SGCZ: variants seen among roughly 807,000 people sequenced by gnomAD.
SGCZ encodes the protein zeta-sarcoglycan.
Under a neutral mutation model 41.3 loss-of-function variants are expected in SGCZ, and 40 were observed. The ratio of observed to expected loss-of-function variants is 0.97; its 90% CI spans 0.75 to 1.26. The LOEUF (loss-of-function observed/expected upper bound fraction) is 1.26, where lower values mean the gene tolerates loss of function less well. SGCZ is among the 50% of genes most tolerant of loss of function. The pLI is 0.00. For synonymous variants in SGCZ, 206 were observed against 137.5 expected (o/e 1.50, Z -3.49); for missense variants, 552 against 369.8 (o/e 1.49, Z -4.04).
chr8:14,657,384 A>G (rs1221195847), intron 1 of SGCZ, among the ~76,000 whole-genome samples: 1 of 152,108 alleles, frequency 6.6e-6, no homozygotes, highest in Non-Finnish European at 1.5e-5. Context: ...ATATGCATCA[A>G]TACGCATATT....
chr8:14,432,750 C>T (rs890956578), intron 2 of SGCZ, among the ~76,000 whole-genome samples: 3 of 151,834 alleles, frequency 2.0e-5, no homozygotes, highest in African/African-American at 7.3e-5. Flanking sequence ...TCTATTTCTG[C>T]TAAAAATACA....
intron 4 of SGCZ, among the ~76,000 whole-genome samples, chr8:14,187,441 A>T (rs1804942389): frequency 6.6e-6 from 1 of 152,212 alleles, no homozygotes; most frequent in African/African-American, 2.4e-5. Flanking sequence ...ATGTTCAAAT[A>T]ATTGAAGACA....
intron 1 of SGCZ, among the ~76,000 whole-genome samples, chr8:14,665,580 C>T (rs948287533): frequency 2.6e-5 from 4 of 152,100 alleles, no homozygotes; most frequent in African/African-American, 9.7e-5. Context: ...ACTATATCTG[C>T]AACAGAACAA....
At chr8:14,810,252 C>G (rs1196163505) in intron 1 of SGCZ, among the ~76,000 whole-genome samples, 1 of 151,890 alleles carries the variant, frequency 6.6e-6, no homozygotes, top group South Asian at 2.1e-4. Context: ...TACTGAAAAT[C>G]AAAAATTCAA....
intron 3 of SGCZ, among the ~76,000 whole-genome samples, chr8:14,292,479 A>G (rs1800873504): frequency 1.3e-5 from 2 of 152,054 alleles, no homozygotes; most frequent in Non-Finnish European, 2.9e-5. Context: ...AGTAAACTAG[A>G]GATCAACAAA....
At chr8:14,946,778 C>A (rs1800463983) in intron 1 of SGCZ, among the ~76,000 whole-genome samples, 1 of 150,962 alleles carries the variant, frequency 6.6e-6, no homozygotes, top group South Asian at 2.1e-4. Flanking sequence ...AGGGTTCAAG[C>A]AATTCTCCTG....
chr8:14,520,473 G>T (rs1344051027), intron 2 of SGCZ, among the ~76,000 whole-genome samples: 2 of 152,016 alleles, frequency 1.3e-5, no homozygotes, highest in Non-Finnish European at 2.9e-5. Context: ...ATATCTCTTG[G>T]CATACTGCTG....
chr8:14,578,668 TG>T (rs1360279289), intron 1 of SGCZ, among the ~76,000 whole-genome samples: 1 of 152,186 alleles, frequency 6.6e-6, no homozygotes, highest in East Asian at 1.9e-4. Flanking sequence ...GAAAATTCGG[TG>T]ATGAATAATA....
intron 3 of SGCZ, among the ~76,000 whole-genome samples, chr8:14,260,694 A>G (rs1799630150): frequency 6.6e-6 from 1 of 152,174 alleles, no homozygotes; most frequent in Non-Finnish European, 1.5e-5. Flanking sequence ...CTTAGAACCA[A>G]CCCAAATGTC....
At chr8:14,971,169 T>C (rs1801283233) in intron 1 of SGCZ, among the ~76,000 whole-genome samples, 1 of 152,200 alleles carries the variant, frequency 6.6e-6, no homozygotes. Context: ...AAATATTTTG[T>C]CTGATTGCCC....
intron 5 of SGCZ, among the ~76,000 whole-genome samples, chr8:14,134,192 C>T (rs1319364731): frequency 1.3e-5 from 2 of 152,146 alleles, no homozygotes; most frequent in Non-Finnish European, 2.9e-5. Flanking sequence ...GAGAAAACTT[C>T]CATTTTCACT....
At chr8:14,784,053 GTTT>G (rs67722353) in intron 1 of SGCZ, among the ~76,000 whole-genome samples, 2,179 of 145,508 alleles carry the variant, frequency 0.015, 28 homozygotes, top group Middle Eastern at 0.04. Context: ...TTAATTTAAT[GTTT>G]TTTTTTTTTT....
At chr8:14,310,690 A>T (rs1801508116) in intron 3 of SGCZ, among the ~76,000 whole-genome samples, 1 of 152,108 alleles carries the variant, frequency 6.6e-6, no homozygotes, top group Non-Finnish European at 1.5e-5. Context: ...TCTTTTAGGC[A>T]ACTAGATTTG....
chr8:14,168,994 A>G (rs1804293198), intron 4 of SGCZ, among the ~76,000 whole-genome samples: 1 of 152,168 alleles, frequency 6.6e-6, no homozygotes, highest in Non-Finnish European at 1.5e-5. Context: ...CAAGGCACTA[A>G]GATTTAAGAA....
intron 2 of SGCZ, among the ~76,000 whole-genome samples, chr8:14,375,461 T>G (rs888365781): frequency 6.6e-6 from 1 of 152,230 alleles, no homozygotes; most frequent in African/African-American, 2.4e-5. Flanking sequence ...TTTATCTATT[T>G]AGATCTTTAT....
intron 2 of SGCZ, among the ~76,000 whole-genome samples, chr8:14,543,578 A>G (rs1320042556): frequency 1.3e-5 from 2 of 152,126 alleles, no homozygotes; most frequent in Non-Finnish European, 2.9e-5. Context: ...TGCTGTAATC[A>G]CTTAAGATAA....
At chr8:14,407,655 G>A (rs1032502800) in intron 2 of SGCZ, among the ~76,000 whole-genome samples, 1 of 152,152 alleles carries the variant, frequency 6.6e-6, no homozygotes, top group African/African-American at 2.4e-5. Flanking sequence ...TAAATAGGTT[G>A]ATAAAATATT....
intron 5 of SGCZ, among the ~76,000 whole-genome samples, chr8:14,122,829 T>TACC (rs1802741736): frequency 6.6e-6 from 1 of 151,662 alleles, no homozygotes; most frequent in Non-Finnish European, 1.5e-5. Context: ...TGGGAAACAT[T>TACC]ATCACATCTT....
rs561764612 is a variant in SGCZ, at chr8:14,327,617, G to A, written c.235-3413C>T. ...AAGAGGACTGGGCATCCACAGTTAA[G>A]TGTGTTATTACTTATGCTATGTGCA... On this transcript the variant is annotated intron_variant, in intron 2 of 7. Transcript: ENST00000382080. Among the ~76,000 whole-genome samples, 202 of 152,198 alleles carry A rather than the reference G, an allele frequency of 1.3e-3. 1 individual carries two copies. Among genetic ancestry groups the A allele is most frequent in the Non-Finnish European group, 1.9e-3 (132 of 68,022 alleles).
Sources: gnomAD v4.1 joint callset for allele counts (sites outside exome capture counted in the v4.1 genomes callset) on GRCh38, gnomAD v4.1.1 for gene constraint, MANE v1.5 for transcripts, NCBI Gene and HGNC (gene_info 2026-07-23, HGNC 2026-07-21) for gene names.